Variants in GATAD2A observed in about 807,000 individuals in gnomAD.
The protein encoded by GATAD2A is GATA zinc finger domain containing 2A.
Under a neutral mutation model 68.5 loss-of-function variants are expected in GATAD2A, and 12 were observed. The observed-to-expected ratio is 0.18, with a 90% confidence interval of 0.11 to 0.28. The LOEUF (loss-of-function observed/expected upper bound fraction) is 0.28. GATAD2A is among the 10% of genes least tolerant of loss of function. The probability of loss-of-function intolerance (pLI) is 1.00; values close to 1 mark genes in which losing one functional copy is unlikely to be tolerated. For synonymous variants in GATAD2A, 410 were observed against 375.3 expected, an observed-to-expected ratio of 1.09 and a Z score of -1.07; for missense variants, 755 against 868.5, an observed-to-expected ratio of 0.87 and a Z score of 1.64.
At chr19:19,451,091 T>C (rs984896933) in intron 1 of GATAD2A, among the ~76,000 whole-genome samples, 5 of 151,080 alleles carry the variant, frequency 3.3e-5, no homozygotes, top group African/African-American at 4.9e-5. Context: ...TTTTAAAAAG[T>C]GGGGTGGGCG....
intron 9 of GATAD2A, 35 bp downstream of exon 9, chr19:19,501,451 A>G (rs1160964856): frequency 2.6e-6 from 4 of 1,511,162 alleles, no homozygotes; most frequent in South Asian, 2.4e-5. Context: ...TGCCGTCCCT[A>G]GGAGGCAGAG....
intron 2 of GATAD2A, among the ~76,000 whole-genome samples, chr19:19,489,265 C>T (rs1358062082): frequency 6.6e-6 from 1 of 152,240 alleles, no homozygotes. Context: ...GTGCCTGCAG[C>T]TCCACAGCCC....
chr19:19,503,644 C>CTGTGTG (rs58706182), intron 11 of GATAD2A, among the ~76,000 whole-genome samples: 5,742 of 148,672 alleles, frequency 0.039, 231 homozygotes, highest in African/African-American at 0.1. Flanking sequence ...CATCTGGAAG[C>CTGTGTG]TGTGTGTGTG....
intron 7 of GATAD2A, among the ~76,000 whole-genome samples, chr19:19,498,172 T>C (rs1429488625): frequency 1.3e-5 from 2 of 152,162 alleles, no homozygotes; most frequent in Admixed American, 1.3e-4. Flanking sequence ...CAGCAAACTA[T>C]AGATTTTAAG....
intron 1 of GATAD2A, chr19:19,440,158 A>T (rs1482113280): frequency 4.8e-6 from 2 of 418,096 alleles, no homozygotes; most frequent in Non-Finnish European, 9.5e-6. Context: ...TGAAATGACA[A>T]GCAGAAAAAA....
chr19:19,479,664 T>G (rs2058918015), intron 2 of GATAD2A, among the ~76,000 whole-genome samples: 1 of 152,306 alleles, frequency 6.6e-6, no homozygotes, highest in Admixed American at 6.5e-5. Context: ...TGAAGTGCTC[T>G]TCTCGTCACA....
intron 1 of GATAD2A, among the ~76,000 whole-genome samples, chr19:19,387,875 C>T (rs1187800864): frequency 6.6e-6 from 1 of 152,108 alleles, no homozygotes; most frequent in African/African-American, 2.4e-5. Context: ...TGTGTCTCCC[C>T]TTTTCCAAGA....
At chr19:19,498,165 C>T (rs957118393) in intron 7 of GATAD2A, among the ~76,000 whole-genome samples, 1 of 152,236 alleles carries the variant, frequency 6.6e-6, no homozygotes, top group African/African-American at 2.4e-5. Context: ...CGGAGCACAG[C>T]AAACTATAGA....
At chr19:19,441,510 G>T (rs1355515057) in intron 1 of GATAD2A, among the ~76,000 whole-genome samples, 1 of 152,022 alleles carries the variant, frequency 6.6e-6, no homozygotes, top group Non-Finnish European at 1.5e-5. Flanking sequence ...AAGTAGCTGG[G>T]ACAACAGATG....
chr19:19,413,904 A>C (rs2063356668), intron 1 of GATAD2A, among the ~76,000 whole-genome samples: 1 of 152,068 alleles, frequency 6.6e-6, no homozygotes, highest in South Asian at 2.1e-4. Context: ...GTTTTTATTA[A>C]TACGTTCGTT....
At chr19:19,482,760 TTTC>T (rs1160371936) in intron 2 of GATAD2A, among the ~76,000 whole-genome samples, 1 of 152,188 alleles carries the variant, frequency 6.6e-6, no homozygotes, top group Admixed American at 6.5e-5. Flanking sequence ...TAGCCTTTCA[TTTC>T]TTCGATTGTA....
At position 19,506,844 on chromosome 19, in the gene GATAD2A, A is replaced by G. The variant is rs2056205302; in HGVS notation, c.*1370A>G. 1 of 152,128 alleles carries G rather than the reference A, an allele frequency of 6.6e-6. No individual in the cohort carries two copies. Among genetic ancestry groups the G allele is most frequent in the African/African-American group, 2.4e-5 (1 of 41,404 alleles). The allele number at this position is 152,128 out of a possible 1,614,324, so 9.4% of individuals were successfully genotyped here. On this transcript the variant is annotated 3_prime_UTR_variant, in exon 12 of 12. Coordinates refer to ENST00000683918, the MANE Select transcript of GATAD2A (RefSeq NM_001384528.1). The stretch of plus-strand genomic sequence containing the variant: ...TATGTCTCCATGAGTTCTGGGCTCC[A>G]CTGGTTCCAATTGAGCTCCAGCCCT...
At chr19:19,409,763 G>A (rs994852494) in intron 1 of GATAD2A, among the ~76,000 whole-genome samples, 2 of 152,208 alleles carry the variant, frequency 1.3e-5, no homozygotes, top group African/African-American at 4.8e-5. Flanking sequence ...GTACCACTGG[G>A]GACAGATCCC....
At position 19,448,934 on chromosome 19, in the gene GATAD2A, C is replaced by T. The variant is rs77862223; in HGVS notation, c.-6-16406C>T. On this transcript the variant is annotated intron_variant, in intron 1 of 11. Coordinates refer to ENST00000683918, the MANE Select transcript of GATAD2A (RefSeq NM_001384528.1). ...GGGCCCTCAAGCTGAGACACAGGGCCGATATACAGAAGCAGCTAATTGTGA... is the reference window on the plus strand; with the variant it reads ...GGGCCCTCAAGCTGAGACACAGGGCTGATATACAGAAGCAGCTAATTGTGA... 3.3e-3 allele frequency among the ~76,000 whole-genome samples: 498 copies of T among 152,150 alleles called. 6 individuals are homozygous for T. The highest frequency in any genetic ancestry group is 0.027 in the East Asian group (140 of 5,166).
Position 19,498,706 on chromosome 19 carries a change from C to T in GATAD2A, c.1188C>T (p.Asn396=). The T allele has an allele frequency of 6.2e-7, 1 of 1,609,832 alleles. No homozygotes were observed. The highest frequency in any genetic ancestry group is 8.5e-7 in the Non-Finnish European group (1 of 1,177,160). ...TCGGCCTGGAGGAGGTGGTGCAGAA[C>T]CTACTGGAGACACAAGGTGAGTGGC... ...YLVGLEEVVQ[N]LLETQAGRMS... is the part of the protein sequence containing the mutation. The change falls in exon 8 of 12, where the codon AAC becomes AAT. Residue 396 remains asparagine, a synonymous_variant. Transcript: ENST00000683918.
intron 1 of GATAD2A, among the ~76,000 whole-genome samples, chr19:19,429,688 C>T (rs1600100768): frequency 6.6e-6 from 1 of 151,924 alleles, no homozygotes; most frequent in African/African-American, 2.4e-5. Flanking sequence ...AGGGGCAGAC[C>T]AGGGGCCTAC....
chr19:19,419,758 C>T (rs370626236), intron 1 of GATAD2A, among the ~76,000 whole-genome samples: 2 of 151,908 alleles, frequency 1.3e-5, no homozygotes, highest in Admixed American at 1.3e-4. Flanking sequence ...TCAGGTGATC[C>T]GCCTGCCTTG....
At chr19:19,426,532 A>T (rs960175618) in intron 1 of GATAD2A, among the ~76,000 whole-genome samples, 2 of 151,826 alleles carry the variant, frequency 1.3e-5, no homozygotes, top group African/African-American at 4.8e-5. Context: ...TTTTTTTGAG[A>T]TAGAATCTTG....
At chr19:19,499,734 A>G (rs1248566856) in intron 8 of GATAD2A, among the ~76,000 whole-genome samples, 2 of 152,206 alleles carry the variant, frequency 1.3e-5, no homozygotes, top group Admixed American at 6.5e-5. Flanking sequence ...GCGCAGCCTC[A>G]GAGTGGCCCT....
Sources: allele counts gnomAD v4.1 joint callset (sites outside exome capture counted in the v4.1 genomes callset), GRCh38; gene constraint gnomAD v4.1.1; transcripts MANE v1.5; gene names NCBI Gene and HGNC (gene_info 2026-07-23, HGNC 2026-07-21).